The following PDE7A variants were observed in gnomAD, a reference collection of about 807,000 sequenced individuals.
The protein encoded by PDE7A is high affinity 3',5'-cyclic-AMP phosphodiesterase 7A.
Under a neutral mutation model 64.3 loss-of-function variants are expected in PDE7A, and 39 were observed. The ratio of observed to expected loss-of-function variants is 0.61; its 90% CI spans 0.47 to 0.79. The LOEUF is 0.79. Among genes scored for constraint, PDE7A ranks in the 30% least tolerant of loss-of-function variants. The pLI, the probability that PDE7A is intolerant of heterozygous loss-of-function variation, is 0.00. For synonymous variants in PDE7A, 203 were observed against 206.8 expected (o/e 0.98, Z 0.16); for missense variants, 470 against 582.8 (o/e 0.81, Z 1.99).
chr8:65,766,463 G>A lies in PDE7A; in HGVS notation c.283+13257C>T, dbSNP rs112166988. Among the ~76,000 whole-genome samples the A allele has an allele frequency of 8.2e-3, 1,248 of 152,296 alleles. 11 individuals are homozygous for A. Among genetic ancestry groups the A allele is most frequent in the Non-Finnish European group, 0.013 (872 of 68,016 alleles). On this transcript the variant is annotated intron_variant, in intron 3 of 12. Coordinates refer to ENST00000401827, the MANE Select transcript of PDE7A (RefSeq NM_001242318.3). Reference sequence around the variant, plus strand: ...GCCTCCTGGTTATCTTTATGGAGTTGAATGAAAGCAGGAACTTGAGAAGCC... The same window carrying A: ...GCCTCCTGGTTATCTTTATGGAGTTAAATGAAAGCAGGAACTTGAGAAGCC...
chr8:65,797,403 G>A (rs374305235), intron 1 of PDE7A, among the ~76,000 whole-genome samples: 1 of 152,210 alleles, frequency 6.6e-6, no homozygotes, highest in East Asian at 1.9e-4. Flanking sequence ...AGAGATTGTA[G>A]TGATTTATTT....
intron 1 of PDE7A, among the ~76,000 whole-genome samples, chr8:65,796,728 T>C (rs1226213145): frequency 2.0e-5 from 3 of 152,134 alleles, no homozygotes; most frequent in Admixed American, 6.5e-5. Context: ...AAAAAATCCA[T>C]AGCCATCATT....
At chr8:65,834,433 A>G (rs1474975815) in intron 1 of PDE7A, among the ~76,000 whole-genome samples, 1 of 152,278 alleles carries the variant, frequency 6.6e-6, no homozygotes, top group East Asian at 1.9e-4. Context: ...TTGAGGAGTC[A>G]AAAGTTATAT....
intron 4 of PDE7A, among the ~76,000 whole-genome samples, chr8:65,746,590 T>A (rs1219450614): frequency 6.6e-6 from 1 of 152,190 alleles, no homozygotes. Flanking sequence ...TTTTGTGGAC[T>A]TTTTCTAGAA....
At chr8:65,837,395 T>C (rs894812217) in intron 1 of PDE7A, among the ~76,000 whole-genome samples, 2 of 152,184 alleles carry the variant, frequency 1.3e-5, no homozygotes, top group South Asian at 4.1e-4. Flanking sequence ...CAGGAGTGTT[T>C]TGGATATCAA....
intron 1 of PDE7A, among the ~76,000 whole-genome samples, chr8:65,840,696 G>A (rs1004245339): frequency 3.3e-5 from 5 of 151,368 alleles, no homozygotes; most frequent in African/African-American, 1.2e-4. Flanking sequence ...AGGAGCAACT[G>A]GTATTGGACC....
At chr8:65,829,560 G>A (rs1292654506) in intron 1 of PDE7A, among the ~76,000 whole-genome samples, 1 of 152,078 alleles carries the variant, frequency 6.6e-6, no homozygotes, top group Non-Finnish European at 1.5e-5. Flanking sequence ...AGGAAGCAGG[G>A]AATATAGTGA....
intron 3 of PDE7A, among the ~76,000 whole-genome samples, chr8:65,771,735 C>T (rs1271760975): frequency 1.3e-5 from 2 of 151,528 alleles, no homozygotes; most frequent in South Asian, 2.1e-4. Context: ...GTTAGCCAGG[C>T]GTGGTGGTGG....
intron 7 of PDE7A, chr8:65,727,518 C>A: frequency 4.2e-6 from 2 of 475,930 alleles, no homozygotes; most frequent in Non-Finnish European, 7.3e-6. Context: ...AGTGGCCCTG[C>A]CCATGTGGAG....
intron 1 of PDE7A, among the ~76,000 whole-genome samples, chr8:65,808,043 T>C (rs895122831): frequency 2.6e-5 from 4 of 152,226 alleles, no homozygotes; most frequent in African/African-American, 9.6e-5. Flanking sequence ...GCCAGTTCTG[T>C]ACATGTCTTC....
At chr8:65,783,772 C>G (rs183775284) in intron 1 of PDE7A, among the ~76,000 whole-genome samples, 47 of 152,212 alleles carry the variant, frequency 3.1e-4, no homozygotes, top group South Asian at 2.9e-3. Flanking sequence ...AAATAAATGA[C>G]TAAATGGACT....
chr8:65,841,216 T>C (rs1021285817), intron 1 of PDE7A, among the ~76,000 whole-genome samples, 155 bp downstream of exon 1: 4 of 152,020 alleles, frequency 2.6e-5, no homozygotes, highest in African/African-American at 9.7e-5. Flanking sequence ...GCCAGGAATA[T>C]TCAAAGAAAA....
chr8:65,796,319 TA>T (rs775954788), intron 1 of PDE7A, among the ~76,000 whole-genome samples: 1 of 151,526 alleles, frequency 6.6e-6, no homozygotes, highest in Non-Finnish European at 1.5e-5. Flanking sequence ...ACTCCAAACA[TA>T]AAAAAACACA....
intron 1 of PDE7A, among the ~76,000 whole-genome samples, chr8:65,787,376 T>A (rs1168992584): frequency 6.6e-6 from 1 of 152,106 alleles, no homozygotes; most frequent in Non-Finnish European, 1.5e-5. Flanking sequence ...TTTGGCAACA[T>A]TACCGAAAAA....
intron 1 of PDE7A, among the ~76,000 whole-genome samples, chr8:65,812,193 C>A (rs183178423): frequency 2.8e-5 from 4 of 144,896 alleles, no homozygotes; most frequent in Admixed American, 2.1e-4. Flanking sequence ...GGTGACAGCG[C>A]GAGACCGTTT....
intron 1 of PDE7A, among the ~76,000 whole-genome samples, chr8:65,798,214 T>A (rs1809903463): frequency 7.8e-6 from 1 of 127,536 alleles, no homozygotes; most frequent in African/African-American, 3.5e-5. Context: ...ATATTTTTTT[T>A]TTTTTGAGAT....
In PDE7A at chr8:65,787,484, T is replaced by C. The variant is rs1027932919; in HGVS notation, c.139-4641A>G. On this transcript the variant is annotated intron_variant, in intron 1 of 12. Coordinates refer to ENST00000401827, the MANE Select transcript of PDE7A (RefSeq NM_001242318.3). ...TTTTTCAGAGTAGTCATCTTACATA[T>C]GCTAGAAAAACATGCTTGTACTTGA... Among the ~76,000 whole-genome samples, 60 of 152,352 alleles carry C rather than the reference T, an allele frequency of 3.9e-4. 1 individual carries two copies. The highest frequency in any genetic ancestry group is 1.3e-3 in the African/African-American group (56 of 41,588).
chr8:65,774,323 TAA>T (rs10627866), intron 3 of PDE7A, among the ~76,000 whole-genome samples: 1 of 152,098 alleles, frequency 6.6e-6, no homozygotes, highest in African/African-American at 2.4e-5. Context: ...GAGAATATTA[TAA>T]AAAGTTATAT....
chr8:65,736,868 G>A (rs1807161565), intron 6 of PDE7A, among the ~76,000 whole-genome samples: 1 of 139,310 alleles, frequency 7.2e-6, no homozygotes, highest in South Asian at 2.4e-4. Context: ...TCATTTGGCT[G>A]TACATTCTTG....
Sources: gnomAD v4.1 joint callset for allele counts (sites outside exome capture counted in the v4.1 genomes callset) on GRCh38, gnomAD v4.1.1 for gene constraint, MANE v1.5 for transcripts, NCBI Gene and HGNC (gene_info 2026-07-23, HGNC 2026-07-21) for gene names.